Variants in IQCM observed in about 807,000 individuals in gnomAD.
The protein encoded by IQCM is IQ domain-containing protein M.
Under a neutral mutation model 57.6 loss-of-function variants are expected in IQCM, and 45 were observed. The ratio of observed to expected loss-of-function variants is 0.78; its 90% confidence interval spans 0.62 to 1.00. The LOEUF is 1.00. Ranked by LOEUF, IQCM falls within the 50% of genes least tolerant of loss-of-function variation. IQCM has a pLI of 0.00. For synonymous variants in IQCM, 148 were observed against 158.9 expected (o/e 0.93, Z 0.51); for missense variants, 468 against 511.6 (o/e 0.91, Z 0.82).
At chr4:149,375,732 C>T (rs1395842723) in intron 13 of IQCM, among the ~76,000 whole-genome samples, 1 of 152,006 alleles carries the variant, frequency 6.6e-6, no homozygotes, top group South Asian at 2.1e-4. Flanking sequence ...TTCTTCCTCC[C>T]GGTTTATGTT....
intron 13 of IQCM, among the ~76,000 whole-genome samples, chr4:149,411,781 T>C (rs927694460): frequency 6.6e-6 from 1 of 152,178 alleles, no homozygotes; most frequent in African/African-American, 2.4e-5. Flanking sequence ...TCTTACATTA[T>C]TCAATCAACA....
intron 2 of IQCM, among the ~76,000 whole-genome samples, chr4:149,759,421 G>A (rs1203173575): frequency 6.6e-6 from 1 of 152,138 alleles, no homozygotes; most frequent in Non-Finnish European, 1.5e-5. Flanking sequence ...CAATAATAAT[G>A]TGTCAATATA....
At chr4:149,611,597 T>C (rs1755292313) in intron 8 of IQCM, among the ~76,000 whole-genome samples, 1 of 152,084 alleles carries the variant, frequency 6.6e-6, no homozygotes, top group Admixed American at 6.6e-5. Context: ...GAATAAATAT[T>C]GTACGTTCTC....
chr4:149,610,535 G>A (rs1755188546), intron 8 of IQCM, among the ~76,000 whole-genome samples: 1 of 151,820 alleles, frequency 6.6e-6, no homozygotes, highest in South Asian at 2.1e-4. Flanking sequence ...ATAGACCAGT[G>A]GAACAGAACA....
intron 7 of IQCM, among the ~76,000 whole-genome samples, chr4:149,646,365 T>C (rs1305037969): frequency 6.6e-6 from 1 of 151,728 alleles, no homozygotes; most frequent in Non-Finnish European, 1.5e-5. Context: ...TCATGGATTC[T>C]TGAGGTTTTT....
At chr4:149,470,193 G>A (rs1440148341) in intron 12 of IQCM, among the ~76,000 whole-genome samples, 3 of 151,998 alleles carry the variant, frequency 2.0e-5, no homozygotes, top group African/African-American at 7.3e-5. Context: ...TGGTTGAAGA[G>A]TCAAGACCCA....
At chr4:149,480,890 G>A (rs931923669) in intron 12 of IQCM, among the ~76,000 whole-genome samples, 2 of 151,896 alleles carry the variant, frequency 1.3e-5, no homozygotes, top group African/African-American at 2.4e-5. Context: ...AGTGTACAAG[G>A]GTTCCTTAGC....
chr4:149,811,436 T>C (rs1774557168), intron 2 of IQCM, among the ~76,000 whole-genome samples: 2 of 152,196 alleles, frequency 1.3e-5, no homozygotes, highest in African/African-American at 2.4e-5. Context: ...TATCAAGATA[T>C]ATATTAAAAC....
chr4:149,356,436 G>T (rs1439625601), intron 13 of IQCM, among the ~76,000 whole-genome samples: 6 of 151,818 alleles, frequency 4.0e-5, no homozygotes, highest in Non-Finnish European at 8.8e-5. Context: ...GTGTAAGGAA[G>T]GGATCCAGTT....
chr4:149,716,066 C>T (rs1041495211), intron 5 of IQCM, among the ~76,000 whole-genome samples: 7 of 152,214 alleles, frequency 4.6e-5, no homozygotes, highest in Admixed American at 1.3e-4. Context: ...ATCCCCAGCT[C>T]GAAGGTGAGG....
chr4:149,718,611 G>A (rs906372948), intron 5 of IQCM, among the ~76,000 whole-genome samples: 1 of 152,198 alleles, frequency 6.6e-6, no homozygotes, highest in Non-Finnish European at 1.5e-5. Flanking sequence ...CCAGAAGCTT[G>A]TGACTTAAAA....
At chr4:149,424,598 T>G (rs1734339783) in intron 13 of IQCM, among the ~76,000 whole-genome samples, 1 of 151,948 alleles carries the variant, frequency 6.6e-6, no homozygotes, top group East Asian at 1.9e-4. Flanking sequence ...CTTAACTCAT[T>G]TTATGTAACT....
intron 5 of IQCM, among the ~76,000 whole-genome samples, chr4:149,719,767 T>G (rs1007162135): frequency 2.6e-5 from 4 of 152,170 alleles, no homozygotes; most frequent in Non-Finnish European, 5.9e-5. Flanking sequence ...GCCAAGAGAA[T>G]AATCTAATAC....
At chr4:149,633,701 C>T (rs1274791035) in intron 7 of IQCM, among the ~76,000 whole-genome samples, 3 of 152,170 alleles carry the variant, frequency 2.0e-5, no homozygotes, top group South Asian at 2.1e-4. Context: ...ACTATGTCCA[C>T]ATATGAACCT....
intron 7 of IQCM, among the ~76,000 whole-genome samples, chr4:149,649,128 T>C (rs1223560900): frequency 6.6e-6 from 1 of 151,974 alleles, no homozygotes; most frequent in East Asian, 1.9e-4. Context: ...TAAAGGATTT[T>C]TGTCATTGTT....
rs997850519 is a variant in IQCM, at chr4:149,744,253, C to A, written c.-48-1514G>T. On this transcript the variant is annotated intron_variant, in intron 2 of 13. Coordinates refer to ENST00000636793, the MANE Select transcript of IQCM (RefSeq NM_001363507.2). Reference sequence around the variant, plus strand: ...CATGGGCTAGAGCACAGAACATGTACCTTGTCTGCCTAGTTCTGCAAATGA... The same window carrying A: ...CATGGGCTAGAGCACAGAACATGTAACTTGTCTGCCTAGTTCTGCAAATGA... Among the ~76,000 whole-genome samples, 18 of 152,266 alleles carry A rather than the reference C, an allele frequency of 1.2e-4. No homozygotes were observed. In the Middle Eastern group the frequency reaches 0.014, roughly 115 times the overall value.
intron 10 of IQCM, among the ~76,000 whole-genome samples, chr4:149,556,524 C>T (rs1749600617): frequency 1.3e-5 from 2 of 151,980 alleles, no homozygotes; most frequent in Non-Finnish European, 2.9e-5. Flanking sequence ...ATATCTTGAC[C>T]ACATTTGTTG....
chr4:149,813,393 A>G (rs1323783483), intron 2 of IQCM, among the ~76,000 whole-genome samples: 1 of 152,080 alleles, frequency 6.6e-6, no homozygotes, highest in Non-Finnish European at 1.5e-5. Flanking sequence ...GACAGGAGAC[A>G]ATGGCAATGA....
chr4:149,591,150 T>G (rs557251500), intron 8 of IQCM, among the ~76,000 whole-genome samples: 2 of 152,196 alleles, frequency 1.3e-5, no homozygotes, highest in East Asian at 3.9e-4. Flanking sequence ...GTTTAACTGG[T>G]ACCAAGCTTC....
Sources: allele counts gnomAD v4.1 joint callset (sites outside exome capture counted in the v4.1 genomes callset), GRCh38; gene constraint gnomAD v4.1.1; transcripts MANE v1.5; gene names NCBI Gene and HGNC (gene_info 2026-07-23, HGNC 2026-07-21).